The following CMC1 variants were observed in gnomAD, a reference collection of about 807,000 sequenced individuals.
CMC1 encodes COX assembly mitochondrial protein homolog.
In CMC1, 14 loss-of-function variants were observed where a neutral mutation model predicts 14.1. The observed-to-expected ratio is 0.99, with a 90% CI of 0.66 to 1.55. CMC1 has a LOEUF of 1.55. Among genes scored for constraint, CMC1 ranks in the 40% most tolerant of loss-of-function variants. CMC1 has a pLI of 0.00. For synonymous variants in CMC1, 50 were observed against 38.4 expected, an observed-to-expected ratio of 1.30 and a Z score of -1.12; for missense variants, 127 against 123.8, an observed-to-expected ratio of 1.03 and a Z score of -0.12.
At chr3:28,244,985 G>A (rs1331880666) in intron 1 of CMC1, among the ~76,000 whole-genome samples, 2 of 145,796 alleles carry the variant, frequency 1.4e-5, no homozygotes, top group Non-Finnish European at 3.0e-5. Context: ...TGTTTATTTG[G>A]TTCATACGTT....
intron 1 of CMC1, among the ~76,000 whole-genome samples, chr3:28,251,611 G>A (rs1407025184): frequency 1.3e-5 from 2 of 152,216 alleles, no homozygotes; most frequent in South Asian, 2.1e-4. Flanking sequence ...GAAAGATGAT[G>A]TGATTTGAGC....
At position 28,276,687 on chromosome 3, in the gene CMC1, C is replaced by A. The variant is rs182621180; in HGVS notation, c.109+13307C>A. Reference sequence around the variant, plus strand: ...GCAGTTGGCATTTTTTCCTGGTAATCAGAGCCTGACACTGGTAAACATTTT... The same window carrying A: ...GCAGTTGGCATTTTTTCCTGGTAATAAGAGCCTGACACTGGTAAACATTTT... On this transcript the variant is annotated intron_variant, in intron 2 of 3. Coordinates refer to ENST00000466830, the MANE Select transcript of CMC1 (RefSeq NM_182523.2). 1.2e-3 allele frequency among the ~76,000 whole-genome samples: 179 copies of A among 152,234 alleles called. 1 individual carries two copies. Among genetic ancestry groups the A allele is most frequent in the African/African-American group, 4.0e-3 (165 of 41,562 alleles).
chr3:28,308,460 A>G (rs1472543015), intron 2 of CMC1, among the ~76,000 whole-genome samples: 1 of 152,186 alleles, frequency 6.6e-6, no homozygotes, highest in Admixed American at 6.5e-5. Flanking sequence ...CTGACAGGCC[A>G]TGATGCAATA....
chr3:28,314,671 C>T (rs139037392), intron 2 of CMC1, among the ~76,000 whole-genome samples: 6 of 152,306 alleles, frequency 3.9e-5, no homozygotes, highest in African/African-American at 1.2e-4. Context: ...CTTGTTCCTT[C>T]TTCCTATTCC....
chr3:28,305,047 A>G (rs555231612), intron 2 of CMC1, among the ~76,000 whole-genome samples: 1 of 152,276 alleles, frequency 6.6e-6, no homozygotes, highest in Admixed American at 6.5e-5. Flanking sequence ...CAGTGATCAT[A>G]GTAACCAATA....
intron 1 of CMC1, among the ~76,000 whole-genome samples, chr3:28,257,769 G>A (rs1372815970): frequency 2.6e-5 from 4 of 151,942 alleles, no homozygotes; most frequent in African/African-American, 4.8e-5. Context: ...TGCCCGCCTC[G>A]GCCTCCTAAA....
At chr3:28,300,024 G>A (rs1435639432) in intron 2 of CMC1, among the ~76,000 whole-genome samples, 1 of 152,114 alleles carries the variant, frequency 6.6e-6, no homozygotes, top group Non-Finnish European at 1.5e-5. Flanking sequence ...GATTTGCCTT[G>A]TTAACTATGG....
chr3:28,244,950 C>T (rs970771643), intron 1 of CMC1, among the ~76,000 whole-genome samples: 14 of 140,168 alleles, frequency 1.0e-4, no homozygotes, highest in African/African-American at 2.7e-4. Flanking sequence ...GTATGGAAGC[C>T]AGTTTTTTTT....
chr3:28,301,024 A>AT (rs1005503993), intron 2 of CMC1, among the ~76,000 whole-genome samples: 3 of 146,518 alleles, frequency 2.0e-5, no homozygotes, highest in South Asian at 4.3e-4. Flanking sequence ...TCAGTGTGCT[A>AT]TTTTTTTTAG....
At chr3:28,289,352 C>CTGTGAAA (rs1701353660) in intron 2 of CMC1, among the ~76,000 whole-genome samples, 1 of 151,790 alleles carries the variant, frequency 6.6e-6, no homozygotes, top group African/African-American at 2.4e-5. Context: ...AAGGAATAGT[C>CTGTGAAA]TGTGAAATGG....
intron 2 of CMC1, among the ~76,000 whole-genome samples, chr3:28,298,967 G>T (rs1158008482): frequency 6.6e-6 from 1 of 152,016 alleles, no homozygotes; most frequent in African/African-American, 2.4e-5. Flanking sequence ...AAATATCTGT[G>T]CCTGAAACAA....
At chr3:28,261,943 G>A (rs77124938) in intron 1 of CMC1, among the ~76,000 whole-genome samples, 783 of 152,244 alleles carry the variant, frequency 5.1e-3, no homozygotes, top group Non-Finnish European at 9.0e-3. Context: ...GTTCAAACCC[G>A]TGTCGTTCAA....
intron 2 of CMC1, among the ~76,000 whole-genome samples, chr3:28,279,115 C>G (rs746568444): frequency 6.6e-6 from 1 of 152,064 alleles, no homozygotes; most frequent in Non-Finnish European, 1.5e-5. Context: ...AATAACTACC[C>G]GAAAGCACTG....
At position 28,288,247 on chromosome 3, in the gene CMC1, A is replaced by T. The variant is rs142411152; in HGVS notation, c.109+24867A>T. Among the ~76,000 whole-genome samples, 797 of 152,254 alleles carry T rather than the reference A, an allele frequency of 5.2e-3. 11 individuals are homozygous for T. Among genetic ancestry groups the T allele is most frequent in the African/African-American group, 0.018 (760 of 41,578 alleles). ...AAGATATTTTGGAAATAACTAAATT[A>T]AAAATGATCACATGTGAAGTGAGTT... is the stretch of plus-strand genomic sequence containing the variant. On this transcript the variant is annotated intron_variant, in intron 2 of 3. Coordinates refer to ENST00000466830, the MANE Select transcript of CMC1 (RefSeq NM_182523.2).
chr3:28,280,462 C>G (rs1224088159), intron 2 of CMC1, among the ~76,000 whole-genome samples: 1 of 151,952 alleles, frequency 6.6e-6, no homozygotes, highest in Non-Finnish European at 1.5e-5. Context: ...TGAAGTATTT[C>G]TGGGTAAGAA....
At position 28,323,189 on chromosome 3, in the gene CMC1, CTT is replaced by C. The variant is rs1217987096; in HGVS notation, c.*3562_*3563del. ...CACAATGTGCAGCTAGCTGTAGTCT[CTT>C]TGAAGAAAATGACTTTTTATCATTA... On this transcript the variant is annotated 3_prime_UTR_variant, in exon 4 of 4. Transcript: ENST00000466830. 4 of 151,000 alleles carry C rather than the reference CTT, an allele frequency of 2.6e-5. No homozygotes were observed. Among genetic ancestry groups the C allele is most frequent in the South Asian group, 2.1e-4 (1 of 4,826 alleles). 9.4% of individuals were successfully genotyped at this position (151,000 alleles called of 1,614,324 possible).
At chr3:28,255,579 A>C (rs1253219363) in intron 1 of CMC1, among the ~76,000 whole-genome samples, 1 of 152,050 alleles carries the variant, frequency 6.6e-6, no homozygotes, top group African/African-American at 2.4e-5. Context: ...GCTAAGGAAA[A>C]AGAGAATGTG....
rs774256943 is a variant in CMC1, at chr3:28,269,566, C to CT, written c.109+6199dup. ...ACCCATCAACCCATTACCTAGGTTTCTTTTTTTTTTTTTCTTTGAAACCGA... is the reference window on the plus strand; with the variant it reads ...ACCCATCAACCCATTACCTAGGTTTCTTTTTTTTTTTTTTCTTTGAAACCGA... On this transcript the variant is annotated intron_variant, in intron 2 of 3. Transcript: ENST00000466830. Among the ~76,000 whole-genome samples the CT allele has an allele frequency of 8.5e-3, 1,224 of 143,916 alleles. 6 individuals are homozygous for CT. Among genetic ancestry groups the CT allele is most frequent in the Non-Finnish European group, 0.013 (855 of 65,174 alleles). The allele number at this position is 143,916 out of a possible 152,430, so 94.4% of individuals were successfully genotyped here. A position where few individuals can be genotyped will look rare whatever the true frequency, so the allele number is the denominator to read the frequency against.
In CMC1 at chr3:28,311,101, G is replaced by T. The variant is rs77204026; in HGVS notation, c.110-5232G>T. Among the ~76,000 whole-genome samples, 301 of 152,194 alleles carry T rather than the reference G, an allele frequency of 2.0e-3. 2 individuals carry two copies. Among genetic ancestry groups the T allele is most frequent in the East Asian group, 0.019 (96 of 5,176 alleles). ...TTGTAAAAGATGTTTATCATTTCTG[G>T]ACATTATATTTTTCCATTTGAACTA... On this transcript the variant is annotated intron_variant, in intron 2 of 3. Transcript: ENST00000466830.
Sources: allele counts gnomAD v4.1 joint callset (sites outside exome capture counted in the v4.1 genomes callset), GRCh38; gene constraint gnomAD v4.1.1; transcripts MANE v1.5; gene names NCBI Gene and HGNC (gene_info 2026-07-23, HGNC 2026-07-21).